CDH19: variants seen among roughly 807,000 people sequenced by gnomAD.
The protein encoded by CDH19 is cadherin 19.
A neutral mutation model predicts 64.2 loss-of-function variants in CDH19; 67 were observed. The observed-to-expected ratio is 1.04, with a 90% CI of 0.86 to 1.28. The LOEUF (loss-of-function observed/expected upper bound fraction) is 1.28. Among genes scored for constraint, CDH19 ranks in the 50% most tolerant of loss-of-function variants. CDH19 has a pLI of 0.00. For missense variants in CDH19, 1,030 were observed against 929.0 expected (o/e 1.11, Z -1.41); for synonymous variants, 346 against 319.3 (o/e 1.08, Z -0.89).
In CDH19 at chr18:66,572,502, T is replaced by A. The variant is rs536127636; in HGVS notation, c.-112-186A>T. 3.0e-3 allele frequency among the ~76,000 whole-genome samples: 460 copies of A among 151,900 alleles called. 4 individuals are homozygous for A. Among genetic ancestry groups the A allele is most frequent in the Non-Finnish European group, 5.0e-3 (337 of 67,830 alleles). ...AGCAATAATTTGATTAGAATAATTATAAATTTCCACTCAGGCACTGCTAGT... is the reference window on the plus strand; with the variant it reads ...AGCAATAATTTGATTAGAATAATTAAAAATTTCCACTCAGGCACTGCTAGT... On this transcript the variant is annotated intron_variant, in intron 1 of 11. Coordinates refer to ENST00000262150, the MANE Select transcript of CDH19 (RefSeq NM_021153.4).
intron 11 of CDH19, 96 bp downstream of exon 11, chr18:66,508,899 T>A (rs980666266): frequency 3.1e-6 from 4 of 1,272,060 alleles, no homozygotes; most frequent in African/African-American, 1.5e-5. Flanking sequence ...GTATTTATCA[T>A]GTTATTTTAA....
intron 9 of CDH19, among the ~76,000 whole-genome samples, chr18:66,519,910 G>T (rs2068967814): frequency 6.6e-6 from 1 of 152,122 alleles, no homozygotes; most frequent in Admixed American, 6.5e-5. Flanking sequence ...TGAGGGCCAG[G>T]TGTGATGGCT....
At chr18:66,562,876 C>T (rs1173107972) in intron 3 of CDH19, among the ~76,000 whole-genome samples, 1 of 152,044 alleles carries the variant, frequency 6.6e-6, no homozygotes, top group East Asian at 1.9e-4. Context: ...ATCCAAACAT[C>T]AGATGTATTC....
chr18:66,530,709 G>C (rs1002197540), intron 8 of CDH19, among the ~76,000 whole-genome samples: 1 of 151,978 alleles, frequency 6.6e-6, no homozygotes, highest in African/African-American at 2.4e-5. Flanking sequence ...GAGAAAATTC[G>C]ATTTATCTTA....
intron 7 of CDH19, among the ~76,000 whole-genome samples, chr18:66,535,499 T>G (rs1239036994): frequency 6.6e-6 from 1 of 151,012 alleles, no homozygotes; most frequent in Non-Finnish European, 1.5e-5. Flanking sequence ...TTTTTGTTTG[T>G]TTAAAAAGTA....
At chr18:66,573,415 T>C (rs766602048) in intron 1 of CDH19, among the ~76,000 whole-genome samples, 2 of 151,598 alleles carry the variant, frequency 1.3e-5, no homozygotes, top group Admixed American at 1.3e-4. Flanking sequence ...ACAGGGATTC[T>C]GTGGTCCCGG....
At chr18:66,518,027 C>T (rs1985814406) in intron 9 of CDH19, among the ~76,000 whole-genome samples, 2 of 151,824 alleles carry the variant, frequency 1.3e-5, no homozygotes, top group East Asian at 3.9e-4. Context: ...GGCTTTAGAA[C>T]TCCAACAAAT....
Position 66,572,297 on chromosome 18 carries a change from T to A in CDH19, c.-93A>T. On this transcript the variant is annotated 5_prime_UTR_variant, in exon 2 of 12. Coordinates refer to ENST00000262150, the MANE Select transcript of CDH19 (RefSeq NM_021153.4). ...GCTTTCTTTTATAATCTTTTCTGAT[T>A]CTGTGTACCTTCTATATACCTAAAG... 2.1e-6 allele frequency: 2 copies of A among 942,222 alleles called. No homozygotes were observed. Among genetic ancestry groups the A allele is most frequent in the Non-Finnish European group, 1.6e-6 (1 of 630,648 alleles). 58.4% of individuals were successfully genotyped at this position (942,222 alleles called of 1,614,324 possible).
chr18:66,592,761 C>T (rs148743854), intron 1 of CDH19, among the ~76,000 whole-genome samples: 51 of 151,830 alleles, frequency 3.4e-4, no homozygotes, highest in African/African-American at 1.2e-3. Context: ...TGTATATACA[C>T]CACATTTTAT....
intron 11 of CDH19, 73 bp downstream of exon 11, chr18:66,508,922 A>G: frequency 1.4e-6 from 2 of 1,436,376 alleles, no homozygotes; most frequent in East Asian, 2.3e-5. Context: ...AAATGAGTAT[A>G]TGTTCAGTTC....
intron 3 of CDH19, among the ~76,000 whole-genome samples, chr18:66,566,702 G>A (rs1398764822): frequency 1.3e-5 from 2 of 151,814 alleles, no homozygotes; most frequent in Admixed American, 6.6e-5. Context: ...ACGGTTGAGG[G>A]ATTTCTTCTT....
At chr18:66,588,142 C>T (rs1489942940) in intron 1 of CDH19, among the ~76,000 whole-genome samples, 1 of 152,086 alleles carries the variant, frequency 6.6e-6, no homozygotes. Flanking sequence ...CTTCCCACTT[C>T]CCAAAGCTGT....
At chr18:66,589,651 G>C (rs944071061) in intron 1 of CDH19, among the ~76,000 whole-genome samples, 1 of 150,894 alleles carries the variant, frequency 6.6e-6, no homozygotes, top group Non-Finnish European at 1.5e-5. Flanking sequence ...CTGCCAAATG[G>C]TATAGAAAGT....
rs761525181 is a variant in CDH19 at position 66,505,058 on chromosome 18, G to C, written c.2073C>G (p.Asp691Glu). The change falls in exon 12 of 12, where the codon GAC (aspartate) becomes GAG (glutamate). Residue 691 changes from aspartate (D) to glutamate (E), a missense_variant. Asp to Glu is a conservative substitution (Grantham distance 45, BLOSUM62 2). Transcript: ENST00000262150. ...LYRQSLQVGP[D>E]SAIFRKFILE... ...GAATGAATTTCCTGAATATGGCACT[G>C]TCGGGGCCAACTTGCAAAGACTGCC... 6 of 1,613,636 alleles carry C rather than the reference G, an allele frequency of 3.7e-6. No homozygotes were observed. Among genetic ancestry groups the C allele is most frequent in the Non-Finnish European group, 3.4e-6 (4 of 1,179,798 alleles).
intron 7 of CDH19, among the ~76,000 whole-genome samples, chr18:66,539,256 G>A (rs1986794300): frequency 6.6e-6 from 1 of 152,064 alleles, no homozygotes; most frequent in Non-Finnish European, 1.5e-5. Flanking sequence ...CAGCTTGTAT[G>A]TTTTTATTTC....
At chr18:66,572,893 T>C (rs1246076627) in intron 1 of CDH19, among the ~76,000 whole-genome samples, 1 of 151,736 alleles carries the variant, frequency 6.6e-6, no homozygotes, top group East Asian at 1.9e-4. Flanking sequence ...TTACTCTTTT[T>C]TAATTTCAAA....
chr18:66,535,002 A>C lies in CDH19; in HGVS notation c.1320T>G (p.Ile440Met). The change falls in exon 8 of 12, where the codon ATT becomes ATG. Residue 440 changes from isoleucine (I) to methionine (M), a missense_variant. Physicochemically the swap from Ile to Met is conservative, Grantham distance 10. Transcript: ENST00000262150. ...AGTACTTACATTTTTCTGTGGCTGTAATACTTAGGTTGTACCAAGCACTGA... is the reference window on the plus strand; with the variant it reads ...AGTACTTACATTTTTCTGTGGCTGTCATACTTAGGTTGTACCAAGCACTGA... Reference protein sequence around the residue: ...REISAWYNLSITATEKYNIEQ... With the variant: ...REISAWYNLSMTATEKYNIEQ... 1 of 1,462,906 alleles carries C rather than the reference A, an allele frequency of 6.8e-7. No individual in the cohort carries two copies. The allele number at this position is 1,462,906 out of a possible 1,614,324, so 90.6% of individuals were successfully genotyped here.
chr18:66,570,357 A>T (rs1025258012), intron 2 of CDH19, among the ~76,000 whole-genome samples: 2 of 151,842 alleles, frequency 1.3e-5, no homozygotes, highest in Admixed American at 6.6e-5. Flanking sequence ...CCAGCCTTTT[A>T]ATGTCATAAA....
At chr18:66,578,979 G>T (rs527251679) in intron 1 of CDH19, among the ~76,000 whole-genome samples, 1 of 152,032 alleles carries the variant, frequency 6.6e-6, no homozygotes, top group African/African-American at 2.4e-5. Context: ...GGGAAAATGG[G>T]GGTGGGAGGA....
Sources: allele counts gnomAD v4.1 joint callset (sites outside exome capture counted in the v4.1 genomes callset), GRCh38; gene constraint gnomAD v4.1.1; transcripts MANE v1.5; gene names NCBI Gene and HGNC (gene_info 2026-07-23, HGNC 2026-07-21).